Variants in PRKCA observed in about 807,000 individuals in gnomAD.
PRKCA encodes the protein protein kinase C alpha type.
In PRKCA, 27 loss-of-function variants were observed where a neutral mutation model predicts 87.0. The observed-to-expected ratio is 0.31, with a 90% CI of 0.23 to 0.43. PRKCA has a LOEUF of 0.43. PRKCA is among the 20% of genes least tolerant of loss of function. PRKCA has a pLI of 1.00. For missense variants in PRKCA, 518 were observed against 852.3 expected, an observed-to-expected ratio of 0.61 and a Z score of 4.88; for synonymous variants, 329 against 311.1, an observed-to-expected ratio of 1.06 and a Z score of -0.61.
chr17:66,577,003 T>A (rs1487813717), intron 3 of PRKCA, among the ~76,000 whole-genome samples: 2 of 151,796 alleles, frequency 1.3e-5, no homozygotes, highest in African/African-American at 4.8e-5. Context: ...GCCTCCCAAG[T>A]AGCTGGCACT....
intron 2 of PRKCA, among the ~76,000 whole-genome samples, chr17:66,412,245 C>T (rs1296442295): frequency 6.6e-6 from 1 of 151,958 alleles, no homozygotes; most frequent in African/African-American, 2.4e-5. Flanking sequence ...TTGGGAGAGA[C>T]AGTGTTTCTC....
intron 13 of PRKCA, among the ~76,000 whole-genome samples, chr17:66,764,007 G>A (rs774117074): frequency 2.6e-5 from 4 of 152,152 alleles, no homozygotes; most frequent in Non-Finnish European, 5.9e-5. Flanking sequence ...GAACCCCACT[G>A]GATCAAGGCC....
At chr17:66,765,421 T>TATATAC (rs1338923010) in intron 13 of PRKCA, among the ~76,000 whole-genome samples, 2 of 101,930 alleles carry the variant, frequency 2.0e-5, no homozygotes, top group Admixed American at 9.6e-5. Flanking sequence ...ACTTTGTCTA[T>TATATAC]ATATATATAT....
intron 2 of PRKCA, among the ~76,000 whole-genome samples, chr17:66,400,397 C>T (rs1910952795): frequency 6.6e-6 from 1 of 152,210 alleles, no homozygotes; most frequent in Admixed American, 6.5e-5. Flanking sequence ...AGTGATCCCC[C>T]CGCCTTGGCC....
At chr17:66,684,366 G>A (rs1972571799) in intron 5 of PRKCA, among the ~76,000 whole-genome samples, 1 of 152,194 alleles carries the variant, frequency 6.6e-6, no homozygotes, top group Admixed American at 6.5e-5. Context: ...CAGAGTGGCA[G>A]AGCCAGAATT....
chr17:66,333,714 A>G (rs1005795877), intron 2 of PRKCA, among the ~76,000 whole-genome samples: 18 of 152,084 alleles, frequency 1.2e-4, no homozygotes, highest in Admixed American at 2.6e-4. Context: ...CCCAGGAACC[A>G]GTGCCTGACT....
At chr17:66,687,432 C>T (rs978159595) in intron 6 of PRKCA, among the ~76,000 whole-genome samples, 165 bp downstream of exon 6, 4 of 152,008 alleles carry the variant, frequency 2.6e-5, no homozygotes, top group African/African-American at 4.8e-5. Context: ...AGCACCTGTT[C>T]GATAGATAGT....
chr17:66,644,471 C>G (rs12451150), intron 4 of PRKCA, among the ~76,000 whole-genome samples: 8,117 of 152,168 alleles, frequency 0.053, 292 homozygotes, highest in Admixed American at 0.078. Flanking sequence ...ACACAGTCTT[C>G]TGTTTGTTTC....
intron 2 of PRKCA, among the ~76,000 whole-genome samples, chr17:66,409,733 T>G (rs1911660650): frequency 6.6e-6 from 1 of 152,052 alleles, no homozygotes; most frequent in African/African-American, 2.4e-5. Context: ...ATCGAGACCA[T>G]CCTGGTTAAC....
intron 2 of PRKCA, among the ~76,000 whole-genome samples, chr17:66,380,985 G>T (rs1909747467): frequency 6.8e-6 from 1 of 147,204 alleles, no homozygotes; most frequent in Non-Finnish European, 1.5e-5. Flanking sequence ...TGTCACTCAC[G>T]CTAGAGTACA....
At chr17:66,593,391 G>A (rs1328972559) in intron 3 of PRKCA, among the ~76,000 whole-genome samples, 1 of 152,142 alleles carries the variant, frequency 6.6e-6, no homozygotes. Flanking sequence ...GGAGGAAGAG[G>A]ATGAGGCACC....
chr17:66,555,482 G>A (rs1010299706), intron 3 of PRKCA, among the ~76,000 whole-genome samples: 10 of 152,170 alleles, frequency 6.6e-5, no homozygotes, highest in Middle Eastern at 3.4e-3. Flanking sequence ...CTTCACTTGG[G>A]CACCTTTGAA....
chr17:66,304,418 C>G (rs1054920163), intron 1 of PRKCA, among the ~76,000 whole-genome samples: 4 of 152,200 alleles, frequency 2.6e-5, no homozygotes, highest in Admixed American at 1.3e-4. Context: ...CGTCCTGACT[C>G]TTCTACCTCT....
intron 3 of PRKCA, among the ~76,000 whole-genome samples, chr17:66,567,639 C>T (rs1330658966): frequency 6.6e-6 from 1 of 152,190 alleles, no homozygotes; most frequent in Non-Finnish European, 1.5e-5. Flanking sequence ...GCTCTCTCCT[C>T]CCTACCCTCT....
chr17:66,611,163 C>T (rs1298761680), intron 3 of PRKCA, among the ~76,000 whole-genome samples: 2 of 152,098 alleles, frequency 1.3e-5, no homozygotes, highest in Non-Finnish European at 2.9e-5. Flanking sequence ...CCCAGTATTG[C>T]TTTATTTTTG....
chr17:66,461,481 C>A (rs998979234), intron 2 of PRKCA, among the ~76,000 whole-genome samples: 2 of 152,104 alleles, frequency 1.3e-5, no homozygotes, highest in African/African-American at 4.8e-5. Context: ...TTTCAAATAT[C>A]CTTCATTTTC....
rs1916128549 is a variant in PRKCA at position 66,489,388 on chromosome 17, TA to T, written c.206-6812del. On this transcript the variant is annotated intron_variant, in intron 2 of 16. Coordinates refer to ENST00000413366, the MANE Select transcript of PRKCA (RefSeq NM_002737.3). Reference sequence around the variant, plus strand: ...ATATATATATATATATATATATATATATATATATTTCCCCCCTCAATGAATA... The same window carrying T: ...ATATATATATATATATATATATATATTATATATTTCCCCCCTCAATGAATA... Among the ~76,000 whole-genome samples the T allele has an allele frequency of 4.2e-5, 5 of 119,602 alleles. No individual in the cohort carries two copies. In the South Asian group the frequency reaches 8.2e-4, roughly 20 times the overall value. 78.5% of individuals were successfully genotyped at this position (119,602 alleles called of 152,430 possible). A position where few individuals can be genotyped will look rare whatever the true frequency, so the allele number is the denominator to read the frequency against.
intron 2 of PRKCA, among the ~76,000 whole-genome samples, chr17:66,486,869 A>T (rs965675749): frequency 6.6e-6 from 1 of 152,122 alleles, no homozygotes; most frequent in Non-Finnish European, 1.5e-5. Context: ...TTTGATGCAG[A>T]TATCAAAATA....
At chr17:66,414,624 C>T (rs1381575482) in intron 2 of PRKCA, among the ~76,000 whole-genome samples, 1 of 152,032 alleles carries the variant, frequency 6.6e-6, no homozygotes, top group Non-Finnish European at 1.5e-5. Flanking sequence ...TTTTGCTTGT[C>T]TTATATGGTA....
Sources: allele counts gnomAD v4.1 joint callset (sites outside exome capture counted in the v4.1 genomes callset), GRCh38; gene constraint gnomAD v4.1.1; transcripts MANE v1.5; gene names NCBI Gene and HGNC (gene_info 2026-07-23, HGNC 2026-07-21).